The following ATXN10 variants were observed in gnomAD, a reference collection of about 807,000 sequenced individuals.
The protein encoded by ATXN10 is ataxin 10, also known as ataxin-10.
ATXN10 carries 28 observed loss-of-function variants against 52.9 expected under a neutral mutation model. The observed-to-expected ratio is 0.53, with a 90% CI of 0.39 to 0.73. ATXN10 has a LOEUF of 0.73. Ranked by LOEUF, ATXN10 falls within the 30% of genes least tolerant of loss-of-function variation. The pLI is 0.00. For synonymous variants in ATXN10, 226 were observed against 221.5 expected (o/e 1.02, Z -0.18); for missense variants, 565 against 577.0 (o/e 0.98, Z 0.21).
At chr22:45,771,911 A>C (rs1383148133) in intron 9 of ATXN10, among the ~76,000 whole-genome samples, 1 of 152,080 alleles carries the variant, frequency 6.6e-6, no homozygotes, top group Non-Finnish European at 1.5e-5. Context: ...GGTGCTTGCC[A>C]CTGTGCCCAG....
Position 45,672,197 on chromosome 22 carries a change from G to A in ATXN10, c.116+18G>A, listed in dbSNP as rs917845796. 7.2e-6 allele frequency: 11 copies of A among 1,520,306 alleles called. No homozygotes were observed. In the Admixed American group the frequency reaches 1.0e-4, roughly 14 times the overall value. 94.2% of individuals were successfully genotyped at this position (1,520,306 alleles called of 1,614,324 possible). A position where few individuals can be genotyped will look rare whatever the true frequency, so the allele number is the denominator to read the frequency against. Reference sequence around the variant, plus strand: ...CGGAACCGGTAACGGGTCCGGCCGGGGGGCTGCCCCGGGCAGGGGAGGGCG... The same window carrying A: ...CGGAACCGGTAACGGGTCCGGCCGGAGGGCTGCCCCGGGCAGGGGAGGGCG... On this transcript the variant is annotated intron_variant, in intron 1 of 11. Transcript: ENST00000252934.
At chr22:45,839,381 C>T (rs1263407435) in intron 10 of ATXN10, among the ~76,000 whole-genome samples, 3 of 152,242 alleles carry the variant, frequency 2.0e-5, no homozygotes, top group Admixed American at 6.5e-5. Context: ...ACTTGACTAT[C>T]ATATTTTGTT....
chr22:45,788,388 T>A (rs1035769357), intron 9 of ATXN10, among the ~76,000 whole-genome samples: 1 of 151,470 alleles, frequency 6.6e-6, no homozygotes, highest in African/African-American at 2.4e-5. Flanking sequence ...AATCTTCCAG[T>A]TGTTTCTTTC....
intron 10 of ATXN10, among the ~76,000 whole-genome samples, chr22:45,812,807 C>T (rs564587479): frequency 2.0e-5 from 3 of 152,284 alleles, no homozygotes; most frequent in South Asian, 4.2e-4. Flanking sequence ...GGAGTCTACC[C>T]GTGCCCCATG....
chr22:45,723,073 T>C (rs142202544), intron 6 of ATXN10, among the ~76,000 whole-genome samples: 1 of 152,246 alleles, frequency 6.6e-6, no homozygotes, highest in East Asian at 1.9e-4. Context: ...ATATTTAGAG[T>C]ACGCATTTGG....
chr22:45,738,660 A>G, intron 7 of ATXN10, 71 bp from the exon 8 acceptor site: 1 of 1,222,192 alleles, frequency 8.2e-7, no homozygotes, highest in Non-Finnish European at 1.2e-6. Context: ...TTATTCTCTT[A>G]CAGTTATTTA....
chr22:45,750,246 C>T lies in ATXN10; in HGVS notation c.1173+9708C>T, dbSNP rs993460187. On this transcript the variant is annotated intron_variant, in intron 9 of 11. Transcript: ENST00000252934. This position sits in a 1 kb window ranked among gnomAD's most constrained non-coding sequence, Gnocchi z 4.2. ...AGTAGCTGGTACTAGAGGTATGTCA[C>T]CACACCTGGCAAATTTTTGTATTTT... 1.3e-5 allele frequency among the ~76,000 whole-genome samples: 2 copies of T among 152,088 alleles called. No homozygotes were observed. The highest frequency in any genetic ancestry group is 4.8e-5 in the African/African-American group (2 of 41,414).
intron 9 of ATXN10, among the ~76,000 whole-genome samples, chr22:45,747,717 A>G (rs6006801): frequency 6.6e-6 from 1 of 152,116 alleles, no homozygotes; most frequent in Non-Finnish European, 1.5e-5. Context: ...AAGTGTCTCA[A>G]CCTTTCTGAA....
intron 9 of ATXN10, among the ~76,000 whole-genome samples, chr22:45,768,218 G>T (rs73173391): frequency 0.015 from 2,261 of 152,220 alleles, 22 homozygotes; most frequent in Non-Finnish European, 0.022. Context: ...AGGAACCAGG[G>T]CTCCTTGGAG....
intron 5 of ATXN10, among the ~76,000 whole-genome samples, chr22:45,713,373 A>G (rs1209037299): frequency 6.6e-6 from 1 of 152,208 alleles, no homozygotes; most frequent in Non-Finnish European, 1.5e-5. Context: ...AATGATGTAA[A>G]GTGTAGTTAG....
intron 7 of ATXN10, among the ~76,000 whole-genome samples, chr22:45,735,812 CTTTTTTTTTTTT>C (rs746222703): frequency 3.0e-5 from 2 of 65,818 alleles, no homozygotes; most frequent in Admixed American, 2.0e-4. Context: ...ATTTGCTTGT[CTTTTTTTTTTTT>C]TTTTTTTTTT....
chr22:45,697,183 G>A (rs1441835689), intron 3 of ATXN10, among the ~76,000 whole-genome samples: 1 of 151,868 alleles, frequency 6.6e-6, no homozygotes, highest in African/African-American at 2.4e-5. Flanking sequence ...TGCCCAGGCT[G>A]GAGTGCAGTG....
intron 9 of ATXN10, among the ~76,000 whole-genome samples, chr22:45,743,341 A>G (rs1925608957): frequency 6.6e-6 from 1 of 152,170 alleles, no homozygotes; most frequent in Non-Finnish European, 1.5e-5. Context: ...ACAACGCCGA[A>G]ATCTTGTTCT....
chr22:45,772,881 T>C lies in ATXN10; in HGVS notation c.1173+32343T>C, dbSNP rs573804254. Reference sequence around the variant, plus strand: ...TTGAAGTCCCTGATACAAAATGGTATGGTATTTGCATATCACCTATGTACA... The same window carrying C: ...TTGAAGTCCCTGATACAAAATGGTACGGTATTTGCATATCACCTATGTACA... On this transcript the variant is annotated intron_variant, in intron 9 of 11. Transcript: ENST00000252934. This position sits in a 1 kb window ranked among gnomAD's most constrained non-coding sequence, Gnocchi z 4.1. Among the ~76,000 whole-genome samples, 19 of 152,346 alleles carry C rather than the reference T, an allele frequency of 1.2e-4. No individual in the cohort carries two copies. The highest frequency in any genetic ancestry group is 5.2e-4 in the Admixed American group (8 of 15,310).
At position 45,841,388 on chromosome 22, in the gene ATXN10, C is replaced by G. The variant is rs1458814263; in HGVS notation, c.1238-1603C>G. 6.6e-6 allele frequency among the ~76,000 whole-genome samples: 1 copy of G among 152,222 alleles called. No homozygotes were observed. Among genetic ancestry groups the G allele is most frequent in the East Asian group, 1.9e-4 (1 of 5,190 alleles). ...TTGATGCTAAACCTCCAAAGACCAG[C>G]AGGTCATTCACTCAGCACATGTTGG... On this transcript the variant is annotated intron_variant, in intron 10 of 11. Coordinates refer to ENST00000252934, the MANE Select transcript of ATXN10 (RefSeq NM_013236.4). The surrounding 1 kb of genome is among the most constrained non-coding windows in gnomAD (Gnocchi z 5.1).
chr22:45,813,667 C>CTCTA (rs1928363219), intron 10 of ATXN10, among the ~76,000 whole-genome samples: 1 of 152,102 alleles, frequency 6.6e-6, no homozygotes. Context: ...GAGCATTGCA[C>CTCTA]TCTATCTCTC....
intron 9 of ATXN10, among the ~76,000 whole-genome samples, chr22:45,776,518 T>A (rs888829539): frequency 1.3e-4 from 19 of 151,596 alleles, no homozygotes; most frequent in East Asian, 1.9e-4. Flanking sequence ...TTTTTTTTTT[T>A]AATGTCAAAG....
intron 9 of ATXN10, among the ~76,000 whole-genome samples, chr22:45,771,084 G>A (rs528859036): frequency 5.5e-4 from 84 of 152,214 alleles, no homozygotes; most frequent in African/African-American, 1.9e-3. Flanking sequence ...CCCTGCAGTC[G>A]CATTCCTAAG....
chr22:45,724,048 A>C (rs201561911), intron 6 of ATXN10, among the ~76,000 whole-genome samples: 1 of 48 alleles, frequency 0.021, no homozygotes, highest in Non-Finnish European at 0.033. Flanking sequence ...TCCATTGTGT[A>C]TATATATATA....
Sources: allele counts gnomAD v4.1 joint callset (sites outside exome capture counted in the v4.1 genomes callset), GRCh38; gene constraint gnomAD v4.1.1; non-coding constraint Gnocchi (gnomAD v3.1); transcripts MANE v1.5; gene names NCBI Gene and HGNC (gene_info 2026-07-23, HGNC 2026-07-21).